RABGAP1L: variants seen among roughly 807,000 people sequenced by gnomAD.
The protein encoded by RABGAP1L is rab GTPase-activating protein 1-like.
RABGAP1L carries 63 observed loss-of-function variants against 137.7 expected under a neutral mutation model. That is an observed-to-expected ratio of 0.46 (90% CI 0.37 to 0.56). The LOEUF (loss-of-function observed/expected upper bound fraction) is 0.56, where lower values mean the gene tolerates loss of function less well. RABGAP1L is among the 20% of genes least tolerant of loss of function. The pLI, the probability that RABGAP1L is intolerant of heterozygous loss-of-function variation, is 0.00. For synonymous variants in RABGAP1L, 431 were observed against 433.7 expected (o/e 0.99, Z 0.08); for missense variants, 1,095 against 1,244.0 (o/e 0.88, Z 1.80).
chr1:174,916,099 G>A (rs1660831731), intron 19 of RABGAP1L, among the ~76,000 whole-genome samples: 1 of 145,718 alleles, frequency 6.9e-6, no homozygotes. Flanking sequence ...TTTTGGTATG[G>A]TATGAGGTAA....
chr1:174,256,921 C>T (rs187598325), intron 7 of RABGAP1L, among the ~76,000 whole-genome samples: 58 of 152,290 alleles, frequency 3.8e-4, no homozygotes, highest in African/African-American at 1.2e-3. Context: ...ATTAATTTCT[C>T]AACTCTTGCC....
At chr1:174,255,855 C>T (rs1381067331) in intron 7 of RABGAP1L, among the ~76,000 whole-genome samples, 1 of 152,204 alleles carries the variant, frequency 6.6e-6, no homozygotes, top group Non-Finnish European at 1.5e-5. Flanking sequence ...CCCTGCTACT[C>T]GCTATACACA....
intron 14 of RABGAP1L, among the ~76,000 whole-genome samples, chr1:174,671,649 A>T (rs1331600980): frequency 6.6e-6 from 1 of 152,196 alleles, no homozygotes; most frequent in East Asian, 1.9e-4. Context: ...CATCCCTGGG[A>T]TTAATTACTT....
chr1:174,803,848 G>A (rs1210809162), intron 18 of RABGAP1L, among the ~76,000 whole-genome samples: 6 of 151,922 alleles, frequency 3.9e-5, no homozygotes, highest in Middle Eastern at 3.2e-3. Context: ...TGAGGCAGGC[G>A]GATCACCTGA....
At chr1:174,560,884 A>G (rs1449376435) in intron 13 of RABGAP1L, among the ~76,000 whole-genome samples, 1 of 152,182 alleles carries the variant, frequency 6.6e-6, no homozygotes, top group Non-Finnish European at 1.5e-5. Context: ...TGTTGCTTCA[A>G]AAGGACATGA....
intron 10 of RABGAP1L, among the ~76,000 whole-genome samples, chr1:174,300,965 G>A (rs946355691): frequency 3.9e-5 from 6 of 152,166 alleles, no homozygotes; most frequent in South Asian, 4.1e-4. Context: ...TTTGCCAGTC[G>A]GAGACCTCTG....
chr1:174,501,334 C>G (rs1346198358), intron 13 of RABGAP1L, among the ~76,000 whole-genome samples: 1 of 151,834 alleles, frequency 6.6e-6, no homozygotes, highest in Non-Finnish European at 1.5e-5. Flanking sequence ...CTGCCTCAGT[C>G]TCCTGAGTAG....
intron 13 of RABGAP1L, among the ~76,000 whole-genome samples, chr1:174,432,393 C>T (rs1029124517): frequency 6.6e-6 from 1 of 152,072 alleles, no homozygotes; most frequent in African/African-American, 2.4e-5. Context: ...TTTAAAAAGC[C>T]CCCCATTTAT....
At chr1:174,241,386 TTTG>T (rs1671811703) in intron 4 of RABGAP1L, 94 bp from the exon 5 acceptor site, 3 of 799,818 alleles carry the variant, frequency 3.8e-6, no homozygotes, top group Non-Finnish European at 5.6e-6. Flanking sequence ...AGTAAAACTA[TTTG>T]TTCTTTTTTT....
At chr1:174,187,148 A>G (rs1343770795) in intron 1 of RABGAP1L, among the ~76,000 whole-genome samples, 1 of 152,070 alleles carries the variant, frequency 6.6e-6, no homozygotes, top group East Asian at 1.9e-4. Flanking sequence ...CTCTTCTCAA[A>G]TGTTCTGTCC....
At chr1:174,522,583 GAAAAA>G (rs543096991) in intron 13 of RABGAP1L, among the ~76,000 whole-genome samples, 1 of 151,920 alleles carries the variant, frequency 6.6e-6, no homozygotes, top group African/African-American at 2.4e-5. Flanking sequence ...GGAAAAAAAA[GAAAAA>G]AGAAAAGAGA....
chr1:174,480,457 T>G (rs1658966340), intron 13 of RABGAP1L, among the ~76,000 whole-genome samples: 1 of 152,234 alleles, frequency 6.6e-6, no homozygotes, highest in Non-Finnish European at 1.5e-5. Flanking sequence ...ATAAATTGAA[T>G]TAAAGCAAAC....
chr1:174,201,321 C>T lies in RABGAP1L; in HGVS notation c.-33-17804C>T, dbSNP rs373153065. On this transcript the variant is annotated intron_variant, in intron 1 of 25. Coordinates refer to ENST00000681986, the MANE Select transcript of RABGAP1L (RefSeq NM_001366446.1). The stretch of plus-strand genomic sequence containing the variant: ...AAGTGATTCTCCTGCCTCAGCCTCC[C>T]GAGTAGCTGGGATTACAGGCACCCA... Among the ~76,000 whole-genome samples, 5 of 151,176 alleles carry T rather than the reference C, an allele frequency of 3.3e-5. No homozygotes were observed. The South Asian group carries it at 8.4e-4, about 25-fold the overall frequency.
At chr1:174,175,267 G>A (rs998522788) in intron 1 of RABGAP1L, among the ~76,000 whole-genome samples, 1 of 152,142 alleles carries the variant, frequency 6.6e-6, no homozygotes. Context: ...TGGGTACCAA[G>A]AATTTTTAGA....
At chr1:174,354,336 C>T (rs1683438464) in intron 11 of RABGAP1L, among the ~76,000 whole-genome samples, 2 of 151,920 alleles carry the variant, frequency 1.3e-5, no homozygotes, top group South Asian at 2.1e-4. Flanking sequence ...TTCTAGTCAC[C>T]TCCAACACTT....
intron 13 of RABGAP1L, chr1:174,548,132 GA>G: frequency 1.3e-6 from 2 of 1,511,072 alleles, no homozygotes; most frequent in Non-Finnish European, 1.8e-6. Context: ...CAACTTTATG[GA>G]TCATTTCCCA....
chr1:174,688,449 T>G (rs1678637027), intron 15 of RABGAP1L, among the ~76,000 whole-genome samples: 1 of 152,014 alleles, frequency 6.6e-6, no homozygotes, highest in African/African-American at 2.4e-5. Context: ...CTAGCATGTT[T>G]AAAACTATTG....
intron 13 of RABGAP1L, among the ~76,000 whole-genome samples, chr1:174,536,764 A>G (rs1022240053): frequency 2.0e-5 from 3 of 152,308 alleles, no homozygotes; most frequent in Non-Finnish European, 2.9e-5. Flanking sequence ...AGGAAGGGAA[A>G]TATTGTTAAT....
At chr1:174,631,332 A>C (rs1327114269) in intron 13 of RABGAP1L, among the ~76,000 whole-genome samples, 1 of 140,244 alleles carries the variant, frequency 7.1e-6, no homozygotes, top group Non-Finnish European at 1.5e-5. Context: ...CAATTATGGA[A>C]TAGGTGTGGT....
Sources: gnomAD v4.1 joint callset for allele counts (sites outside exome capture counted in the v4.1 genomes callset) on GRCh38, gnomAD v4.1.1 for gene constraint, MANE v1.5 for transcripts, NCBI Gene and HGNC (gene_info 2026-07-23, HGNC 2026-07-21) for gene names.